ANKMY1: variants seen among roughly 807,000 people sequenced by gnomAD.
ANKMY1 encodes the protein ankyrin repeat and MYND domain containing 1.
ANKMY1 carries 98 observed loss-of-function variants against 102.0 expected under a neutral mutation model. The observed-to-expected ratio is 0.96, with a 90% CI of 0.82 to 1.14. The LOEUF is 1.14. ANKMY1 is among the 50% of genes most tolerant of loss of function. The pLI is 0.00. For missense variants in ANKMY1, 1,330 were observed against 1,347.6 expected (o/e 0.99, Z 0.20); for synonymous variants, 582 against 559.9 (o/e 1.04, Z -0.56).
chr2:240,512,788 C>A lies in ANKMY1; in HGVS notation c.2145+14G>T. The A allele has an allele frequency of 6.2e-7, 1 of 1,610,176 alleles. No homozygotes were observed. Among genetic ancestry groups the A allele is most frequent in the South Asian group, 1.1e-5 (1 of 90,482 alleles). ...CAAGGCCCCATACCCCTATCCAGGT[C>A]GCGAGGTACACACCTTGCCGGGCTT... On this transcript the variant is annotated intron_variant, in intron 10 of 17. Coordinates refer to ENST00000401804, the MANE Select transcript of ANKMY1 (RefSeq NM_001282771.3).
intron 17 of ANKMY1, among the ~76,000 whole-genome samples, chr2:240,480,518 A>G (rs2075258499): frequency 6.6e-6 from 1 of 152,184 alleles, no homozygotes; most frequent in African/African-American, 2.4e-5. Context: ...CTGGGAGGAA[A>G]TTTCCTGAAG....
intron 12 of ANKMY1, 124 bp downstream of exon 12, chr2:240,509,220 GATGA>G: frequency 1.4e-6 from 1 of 700,494 alleles, no homozygotes. Flanking sequence ...TGGGTGGATG[GATGA>G]ATGGATGGAT....
At chr2:240,469,807 C>T in the ANKMY1 span, among the ~76,000 whole-genome samples, 8 of 152,082 alleles carry the variant, frequency 5.3e-5, no homozygotes, top group African/African-American at 1.7e-4. Flanking sequence ...CACTCCTACA[C>T]ATGTACACAC....
chr2:240,531,487 G>C (rs555645082), intron 4 of ANKMY1, among the ~76,000 whole-genome samples: 1 of 152,302 alleles, frequency 6.6e-6, no homozygotes, highest in African/African-American at 2.4e-5. Flanking sequence ...AGTCAAATAT[G>C]CATTTATTGG....
intron 17 of ANKMY1, 61 bp downstream of exon 17, chr2:240,480,876 C>T: frequency 6.4e-7 from 1 of 1,566,116 alleles, no homozygotes; most frequent in Non-Finnish European, 8.7e-7. Context: ...GCACCCCAGG[C>T]CTGCGCCTTC....
intron 10 of ANKMY1, 45 bp from the exon 11 acceptor site, chr2:240,512,046 G>A (rs1416700186): frequency 6.7e-7 from 1 of 1,489,202 alleles, no homozygotes; most frequent in Non-Finnish European, 8.8e-7. Context: ...GACCTGCCGT[G>A]TGCCCACGGG....
At chr2:240,546,495 G>A (rs1367954948) in intron 4 of ANKMY1, among the ~76,000 whole-genome samples, 1 of 152,052 alleles carries the variant, frequency 6.6e-6, no homozygotes, top group African/African-American at 2.4e-5. Context: ...GACAGGATCA[G>A]ATTCACACAT....
At chr2:240,526,525 C>T in intron 5 of ANKMY1, 80 bp from the exon 6 acceptor site, 1 of 1,575,618 alleles carries the variant, frequency 6.3e-7, no homozygotes, top group Non-Finnish European at 8.6e-7. Context: ...GACCACCTCC[C>T]TCCAATGCCT....
intron 16 of ANKMY1, among the ~76,000 whole-genome samples, 190 bp from the exon 17 acceptor site, chr2:240,481,287 C>A (rs2075351650): frequency 6.6e-6 from 1 of 152,212 alleles, no homozygotes; most frequent in African/African-American, 2.4e-5. Flanking sequence ...GGATGTTCAG[C>A]ACAGTGATAT....
intron 5 of ANKMY1, chr2:240,526,796 C>A: frequency 8.2e-7 from 1 of 1,221,608 alleles, no homozygotes; most frequent in Non-Finnish European, 1.0e-6. Flanking sequence ...TGGAGACCAA[C>A]ATACATGTGG....
At chr2:240,494,888 A>C (rs2077048709) in intron 15 of ANKMY1, among the ~76,000 whole-genome samples, 2 of 152,180 alleles carry the variant, frequency 1.3e-5, no homozygotes, top group African/African-American at 4.8e-5. Context: ...CAGTGTAATA[A>C]AACATATAAA....
chr2:240,542,738 A>ATG (rs1314327886), intron 4 of ANKMY1, among the ~76,000 whole-genome samples: 2 of 140,736 alleles, frequency 1.4e-5, no homozygotes, highest in African/African-American at 5.1e-5. Flanking sequence ...ATATATATAT[A>ATG]TGTATAAATT....
At chr2:240,560,694 G>A (rs775619652), upstream of ANKMY1, 6 of 1,526,578 alleles carry the variant, frequency 3.9e-6, no homozygotes, top group Non-Finnish European at 4.4e-6. Flanking sequence ...CATGGGACCG[G>A]CAGAAGCTGG....
intron 4 of ANKMY1, among the ~76,000 whole-genome samples, chr2:240,549,717 A>G (rs1417902715): frequency 1.3e-5 from 2 of 152,260 alleles, no homozygotes; most frequent in Admixed American, 1.3e-4. Flanking sequence ...ACATGAACAG[A>G]CACTTCTCAA....
chr2:240,548,241 AAACAG>A (rs1426717885), intron 4 of ANKMY1, among the ~76,000 whole-genome samples: 2 of 152,246 alleles, frequency 1.3e-5, no homozygotes, highest in Non-Finnish European at 2.9e-5. Context: ...TCCAGCGTAT[AAACAG>A]AACCAAAGAC....
At chr2:240,495,779 TG>T (rs2077178737) in intron 15 of ANKMY1, among the ~76,000 whole-genome samples, 1 of 152,142 alleles carries the variant, frequency 6.6e-6, no homozygotes, top group South Asian at 2.1e-4. Context: ...TCTCCACACA[TG>T]GGGAGAAAAA....
At position 240,510,210 on chromosome 2, in the gene ANKMY1, C is replaced by T. The variant is rs191894408; in HGVS notation, c.2287-755G>A. Among the ~76,000 whole-genome samples the T allele has an allele frequency of 2.4e-3, 299 of 126,062 alleles. 3 individuals are homozygous for T. Among genetic ancestry groups the T allele is most frequent in the African/African-American group, 8.2e-3 (278 of 33,772 alleles). 82.7% of individuals were successfully genotyped at this position (126,062 alleles called of 152,430 possible). A position where few individuals can be genotyped will look rare whatever the true frequency, so the allele number is the denominator to read the frequency against. ...GCCCTCCCTGCCCTCCTCCCTAGTC[C>T]GTGCCCTCCCTGCCTCCCTGCCCTC... On this transcript the variant is annotated intron_variant, in intron 11 of 17. Transcript: ENST00000401804.
intron 5 of ANKMY1, chr2:240,527,763 A>AGGTAGGTGTGTGGGTGGATGAATG: frequency 5.4e-5 from 1 of 18,636 alleles, no homozygotes. Flanking sequence ...GTAGATGAAT[A>AGGTAGGTGTGTGGGTGGATGAATG]GGTAGGTGTG....
intron 4 of ANKMY1, among the ~76,000 whole-genome samples, chr2:240,533,200 A>G (rs1340243608): frequency 3.3e-5 from 5 of 152,252 alleles, no homozygotes; most frequent in Non-Finnish European, 5.9e-5. Context: ...AGAGTGTATA[A>G]CTTTGAAACT....
Sources: allele counts gnomAD v4.1 joint callset (sites outside exome capture counted in the v4.1 genomes callset), GRCh38; gene constraint gnomAD v4.1.1; transcripts MANE v1.5; gene names NCBI Gene and HGNC (gene_info 2026-07-23, HGNC 2026-07-21).